The following IKBKB-DT variants were observed in gnomAD, a reference collection of about 807,000 sequenced individuals.
IKBKB-DT encodes the protein IKBKB antisense RNA.
At chr8:42,246,793 G>A (rs981640279) in intron 3 of IKBKB-DT, among the ~76,000 whole-genome samples, 2 of 152,158 alleles carry the variant, frequency 1.3e-5, no homozygotes, top group African/African-American at 2.4e-5. Flanking sequence ...TAAACTTTTC[G>A]GCACCAGGGA....
At chr8:42,246,620 A>G (rs1407359850) in intron 3 of IKBKB-DT, among the ~76,000 whole-genome samples, 3 of 152,226 alleles carry the variant, frequency 2.0e-5, no homozygotes, top group African/African-American at 7.2e-5. Flanking sequence ...TCTATGTGCA[A>G]TGGATACCTT....
At chr8:42,239,859 G>A (rs2976669) in intron 3 of IKBKB-DT, among the ~76,000 whole-genome samples, 16 of 151,146 alleles carry the variant, frequency 1.1e-4, no homozygotes, top group African/African-American at 4.9e-5. Flanking sequence ...GGCTGGTCTC[G>A]AACTCCTGAC....
intron 3 of IKBKB-DT, among the ~76,000 whole-genome samples, chr8:42,240,624 CAAAAAAAA>C (rs1208809199): frequency 7.6e-5 from 2 of 26,398 alleles, no homozygotes; most frequent in African/African-American, 1.8e-4. Context: ...GACTCAGTCT[CAAAAAAAA>C]AAAAAAAAAA....
chr8:42,239,009 T>C (rs1437129202), intron 3 of IKBKB-DT, among the ~76,000 whole-genome samples: 3 of 152,202 alleles, frequency 2.0e-5, no homozygotes, highest in Non-Finnish European at 4.4e-5. Flanking sequence ...AATTGGTTTT[T>C]TCTGTGCAGC....
chr8:42,239,636 T>TATATATATATATATATATATATATA (rs55662464), intron 3 of IKBKB-DT, among the ~76,000 whole-genome samples: 282 of 27,918 alleles, frequency 0.01, 10 homozygotes, highest in South Asian at 0.016. Context: ...ATATATATAT[T>TATATATATATATATATATATATATA]TATTTATTTA....
At chr8:42,255,992 C>T (rs1011397498) in intron 3 of IKBKB-DT, among the ~76,000 whole-genome samples, 8 of 149,678 alleles carry the variant, frequency 5.3e-5, no homozygotes, top group Non-Finnish European at 1.0e-4. Context: ...CACCATTGCA[C>T]TCCAGCCTGG....
At chr8:42,249,031 T>A (rs1807097078) in intron 3 of IKBKB-DT, 1 of 152,122 alleles carries the variant, frequency 6.6e-6, no homozygotes, top group Non-Finnish European at 1.5e-5. Context: ...TTTATAAAAA[T>A]TTGACAATAC....
chr8:42,246,485 C>A (rs754138422), intron 3 of IKBKB-DT, among the ~76,000 whole-genome samples: 23 of 152,088 alleles, frequency 1.5e-4, no homozygotes, highest in Non-Finnish European at 3.2e-4. Flanking sequence ...TTAAAAATAT[C>A]AAAATGGGAA....
intron 3 of IKBKB-DT, among the ~76,000 whole-genome samples, chr8:42,237,350 G>C (rs925477718): frequency 2.0e-5 from 3 of 152,114 alleles, no homozygotes; most frequent in Non-Finnish European, 4.4e-5. Context: ...GCCTCCCAAA[G>C]TGCTGGGATT....
At chr8:42,248,604 G>A (rs750688764) in intron 3 of IKBKB-DT, among the ~76,000 whole-genome samples, 2 of 152,108 alleles carry the variant, frequency 1.3e-5, no homozygotes, top group Non-Finnish European at 2.9e-5. Context: ...CAAATAGCCG[G>A]CTGCAGTGGC....
chr8:42,248,879 A>C (rs1477577430), intron 3 of IKBKB-DT, among the ~76,000 whole-genome samples: 1 of 152,008 alleles, frequency 6.6e-6, no homozygotes, highest in Non-Finnish European at 1.5e-5. Flanking sequence ...CAAAAAAAAA[A>C]AAAAAAACAA....
At chr8:42,243,852 G>T (rs1408769420) in intron 3 of IKBKB-DT, among the ~76,000 whole-genome samples, 1 of 152,172 alleles carries the variant, frequency 6.6e-6, no homozygotes, top group Non-Finnish European at 1.5e-5. Flanking sequence ...AATATTTGAG[G>T]TTTTGCAATT....
chr8:42,233,935 T>C (rs1425158770), intron 3 of IKBKB-DT: 1 of 152,136 alleles, frequency 6.6e-6, no homozygotes, highest in African/African-American at 2.4e-5. Context: ...CTGCAAAATA[T>C]CTCAAGCACT....
chr8:42,255,712 T>C (rs894264626), intron 3 of IKBKB-DT, among the ~76,000 whole-genome samples: 12 of 152,134 alleles, frequency 7.9e-5, no homozygotes, highest in African/African-American at 2.7e-4. Context: ...GGAGACTAGA[T>C]TCTTACTGAA....
chr8:42,261,751 C>T (rs1442941584), intron 3 of IKBKB-DT, among the ~76,000 whole-genome samples: 2 of 152,202 alleles, frequency 1.3e-5, no homozygotes, highest in Non-Finnish European at 1.5e-5. Flanking sequence ...GATGACCTCT[C>T]TTTGAACTAG....
intron 3 of IKBKB-DT, among the ~76,000 whole-genome samples, chr8:42,242,832 G>A (rs984213852): frequency 2.6e-5 from 4 of 152,236 alleles, no homozygotes; most frequent in Non-Finnish European, 4.4e-5. Context: ...TACCCAGTGC[G>A]ATTTCCACAT....
chr8:42,247,510 G>T lies in IKBKB-DT; in HGVS notation n.1530-13651C>A, dbSNP rs766181310. Among the ~76,000 whole-genome samples, 88 of 152,180 alleles carry T rather than the reference G, an allele frequency of 5.8e-4. 4 individuals carry two copies. Among genetic ancestry groups the T allele is most frequent in the Admixed American group, 2.6e-4 (4 of 15,274 alleles). ...GAAACTTTTGGGTTAATACTGGAAT[G>T]AATTAAGACTCTGAGGGAAGACATG... is the stretch of plus-strand genomic sequence containing the variant. On this transcript the variant is annotated intron_variant and non_coding_transcript_variant, in intron 3 of 3. Transcript: ENST00000518213.
At chr8:42,236,912 G>C (rs911684402) in intron 3 of IKBKB-DT, among the ~76,000 whole-genome samples, 1 of 151,960 alleles carries the variant, frequency 6.6e-6, no homozygotes, top group African/African-American at 2.4e-5. Flanking sequence ...TAGAGACAAG[G>C]TCTCACCATG....
chr8:42,241,266 T>G (rs1243404022), intron 3 of IKBKB-DT, among the ~76,000 whole-genome samples: 1 of 99,092 alleles, frequency 1.0e-5, no homozygotes, highest in Non-Finnish European at 1.9e-5. Context: ...TTTTTTTTTT[T>G]GCCTAGGAAG....
Sources: allele counts gnomAD v4.1 joint callset (sites outside exome capture counted in the v4.1 genomes callset), GRCh38; gene constraint gnomAD v4.1.1; transcripts MANE v1.5; gene names NCBI Gene and HGNC (gene_info 2026-07-23, HGNC 2026-07-21).